NTN1: variants seen among roughly 807,000 people sequenced by gnomAD.
NTN1 encodes the protein netrin-1.
In NTN1, 11 loss-of-function variants were observed where a neutral mutation model predicts 54.2. That is an observed-to-expected ratio of 0.20 (90% CI 0.13 to 0.34). NTN1 has a LOEUF of 0.34. Among genes scored for constraint, NTN1 ranks in the 10% least tolerant of loss-of-function variants. The pLI, the probability that NTN1 is intolerant of heterozygous loss-of-function variation, is 1.00. For synonymous variants in NTN1, 371 were observed against 382.0 expected, an observed-to-expected ratio of 0.97 and a Z score of 0.33; for missense variants, 740 against 893.1, an observed-to-expected ratio of 0.83 and a Z score of 2.18.
intron 2 of NTN1, among the ~76,000 whole-genome samples, chr17:9,130,984 G>A (rs184014568): frequency 9.5e-4 from 144 of 152,278 alleles, no homozygotes; most frequent in Middle Eastern, 3.4e-3. Context: ...TCTGGGTTGT[G>A]TACACCCCTC....
chr17:9,159,037 A>G (rs1275160740), intron 2 of NTN1, among the ~76,000 whole-genome samples: 2 of 152,256 alleles, frequency 1.3e-5, no homozygotes, highest in Non-Finnish European at 2.9e-5. Context: ...GAAGCTTGTC[A>G]TAACATCAGA....
In NTN1 at chr17:9,217,243, G is replaced by C. The variant is rs897463525; in HGVS notation, c.1412-3925G>C. Among the ~76,000 whole-genome samples the C allele has an allele frequency of 1.5e-4, 23 of 152,116 alleles. 1 individual carries two copies. Among genetic ancestry groups the C allele is most frequent in the Non-Finnish European group, 1.5e-5 (1 of 68,034 alleles). On this transcript the variant is annotated intron_variant, in intron 5 of 6. Transcript: ENST00000173229. Reference sequence around the variant, plus strand: ...AGGACTTTTCTGCTCATCAGACAAAGAGCTGTGTCCTGAGGTAAAACCTGA... The same window carrying C: ...AGGACTTTTCTGCTCATCAGACAAACAGCTGTGTCCTGAGGTAAAACCTGA...
intron 3 of NTN1, chr17:9,176,728 C>A (rs545165698): frequency 3.3e-5 from 5 of 152,232 alleles, no homozygotes; most frequent in Non-Finnish European, 7.3e-5. Context: ...AGAAAACCCA[C>A]ATCATATTAT....
chr17:9,125,218 T>C (rs1443351508), intron 2 of NTN1, among the ~76,000 whole-genome samples: 2 of 147,140 alleles, frequency 1.4e-5, no homozygotes, highest in South Asian at 2.2e-4. Context: ...CATGCCACCA[T>C]GTTTGGCTAA....
intron 2 of NTN1, among the ~76,000 whole-genome samples, chr17:9,055,855 G>A (rs975914497): frequency 6.6e-6 from 1 of 152,114 alleles, no homozygotes; most frequent in Non-Finnish European, 1.5e-5. Context: ...CAGAGTAGCT[G>A]GGACTACAGG....
chr17:9,227,021 T>C lies in NTN1; in HGVS notation c.1486+5779T>C, dbSNP rs531391543. On this transcript the variant is annotated intron_variant, in intron 6 of 6. Transcript: ENST00000173229. ...TTGGCGGAGCCCCTCTGCCTCCTCC[T>C]GTTCCCTTCCCGTCTCCCTTCCAAC... 3.9e-4 allele frequency among the ~76,000 whole-genome samples: 59 copies of C among 151,938 alleles called. 1 individual carries two copies. Among genetic ancestry groups the C allele is most frequent in the African/African-American group, 1.4e-3 (56 of 41,422 alleles).
chr17:9,017,742 C>A (rs190231073), upstream of NTN1, among the ~76,000 whole-genome samples: 9 of 152,314 alleles, frequency 5.9e-5, no homozygotes, highest in African/African-American at 1.9e-4. Context: ...CTGCTTAGAG[C>A]CTGACATGCC....
At chr17:9,081,637 G>A (rs55817039) in intron 2 of NTN1, among the ~76,000 whole-genome samples, 8 of 152,250 alleles carry the variant, frequency 5.3e-5, no homozygotes, top group African/African-American at 9.6e-5. Flanking sequence ...GACTGCTGTC[G>A]CAGAGAGAGC....
intron 6 of NTN1, among the ~76,000 whole-genome samples, chr17:9,229,722 T>G (rs1298078596): frequency 6.6e-6 from 1 of 151,728 alleles, no homozygotes; most frequent in Non-Finnish European, 1.5e-5. Flanking sequence ...GGCAGGGATG[T>G]TGGTGGTAGC....
rs900657652 is a variant in NTN1, at chr17:9,243,849, A to G, written c.*3881A>G. On this transcript the variant is annotated 3_prime_UTR_variant, in exon 7 of 7. Transcript: ENST00000173229. ...ATTATATATGAATATATTTAATGAC[A>G]TGGAAAAAGTTGTGGATTTTCTTTC... The G allele has an allele frequency of 3.0e-5, 4 of 134,074 alleles. No individual in the cohort carries two copies. Among genetic ancestry groups the G allele is most frequent in the Non-Finnish European group, 6.2e-5 (4 of 64,186 alleles). 8.3% of individuals were successfully genotyped at this position (134,074 alleles called of 1,614,324 possible). A position where few individuals can be genotyped will look rare whatever the true frequency, so the allele number is the denominator to read the frequency against.
At chr17:9,167,605 G>GT (rs1424504711) in intron 3 of NTN1, among the ~76,000 whole-genome samples, 2 of 152,170 alleles carry the variant, frequency 1.3e-5, no homozygotes, top group Non-Finnish European at 2.9e-5. Flanking sequence ...GGCTAGGAAG[G>GT]TGCTTGAGTC....
At chr17:9,030,653 G>A (rs1234242795) in intron 2 of NTN1, among the ~76,000 whole-genome samples, 1 of 152,006 alleles carries the variant, frequency 6.6e-6, no homozygotes, top group African/African-American at 2.4e-5. Flanking sequence ...GCTGAGGCAG[G>A]AGAATTGCTT....
At chr17:9,092,656 C>T (rs961412634) in intron 2 of NTN1, among the ~76,000 whole-genome samples, 75 of 152,002 alleles carry the variant, frequency 4.9e-4, no homozygotes, top group African/African-American at 1.5e-3. Context: ...TGCAGTGGTG[C>T]GATGTCAGCT....
intron 3 of NTN1, among the ~76,000 whole-genome samples, chr17:9,172,410 C>T (rs111712557): frequency 0.14 from 21,693 of 151,800 alleles, 1,788 homozygotes; most frequent in Non-Finnish European, 0.17. Flanking sequence ...ACCCGGGAGG[C>T]GGAGCTTGCA....
intron 2 of NTN1, among the ~76,000 whole-genome samples, chr17:9,161,571 A>G (rs1432998955): frequency 4.6e-5 from 7 of 152,090 alleles, no homozygotes; most frequent in Non-Finnish European, 8.8e-5. Flanking sequence ...CAAGGTCAGG[A>G]GTTCAAGACC....
intron 2 of NTN1, among the ~76,000 whole-genome samples, chr17:9,122,320 C>T (rs1311555715): frequency 2.0e-5 from 3 of 152,228 alleles, no homozygotes; most frequent in Non-Finnish European, 4.4e-5. Flanking sequence ...AGGCGTGAGC[C>T]ACCACACCCA....
intron 2 of NTN1, among the ~76,000 whole-genome samples, chr17:9,128,091 TG>T (rs2092253199): frequency 6.6e-6 from 1 of 151,794 alleles, no homozygotes; most frequent in African/African-American, 2.4e-5. Flanking sequence ...CACTCCAGCC[TG>T]GGTGACAGAG....
chr17:9,054,296 C>A (rs1473036444), intron 2 of NTN1, among the ~76,000 whole-genome samples: 3 of 152,298 alleles, frequency 2.0e-5, no homozygotes, highest in African/African-American at 7.2e-5. Flanking sequence ...ATGTTAACTT[C>A]AGGAGGAATC....
At chr17:9,050,108 G>T (rs752731949) in intron 2 of NTN1, among the ~76,000 whole-genome samples, 9 of 151,820 alleles carry the variant, frequency 5.9e-5, no homozygotes, top group Non-Finnish European at 5.9e-5. Context: ...TTAGCCAGGT[G>T]TGGTGGTGGA....
Sources: allele counts gnomAD v4.1 joint callset (sites outside exome capture counted in the v4.1 genomes callset), GRCh38; gene constraint gnomAD v4.1.1; transcripts MANE v1.5; gene names NCBI Gene and HGNC (gene_info 2026-07-23, HGNC 2026-07-21).